Variants in MTA3 observed in about 807,000 individuals in gnomAD.
The protein encoded by MTA3 is metastasis-associated protein MTA3.
MTA3 carries 34 observed loss-of-function variants against 83.5 expected under a neutral mutation model. That is an observed-to-expected ratio of 0.41 (90% CI 0.31 to 0.54). The LOEUF (loss-of-function observed/expected upper bound fraction) is 0.54. MTA3 is among the 20% of genes least tolerant of loss of function. The pLI is 0.33. For missense variants in MTA3, 761 were observed against 726.4 expected (o/e 1.05, Z -0.55); for synonymous variants, 303 against 252.7 (o/e 1.20, Z -1.89).
chr2:42,626,755 T>G (rs770017240), intron 4 of MTA3, among the ~76,000 whole-genome samples: 1 of 152,196 alleles, frequency 6.6e-6, no homozygotes, highest in African/African-American at 2.4e-5. Context: ...ATTTAATTTT[T>G]TTTTAGACAG....
chr2:42,614,930 T>A (rs1301663396), intron 4 of MTA3, among the ~76,000 whole-genome samples: 1 of 151,434 alleles, frequency 6.6e-6, no homozygotes, highest in Non-Finnish European at 1.5e-5. Flanking sequence ...TGAGCCATGA[T>A]TGTGACACTG....
At chr2:42,653,472 T>G (rs1019472557) in intron 6 of MTA3, among the ~76,000 whole-genome samples, 5 of 152,202 alleles carry the variant, frequency 3.3e-5, no homozygotes, top group Admixed American at 6.5e-5. Flanking sequence ...TTTTTAAAAG[T>G]TTTTTCCATG....
At chr2:42,577,849 C>T (rs538608873) in intron 2 of MTA3, among the ~76,000 whole-genome samples, 1 of 152,104 alleles carries the variant, frequency 6.6e-6, no homozygotes, top group South Asian at 2.1e-4. Flanking sequence ...CAAGGCATAT[C>T]TCAAGAAGAC....
upstream of MTA3, among the ~76,000 whole-genome samples, chr2:42,563,642 A>G (rs948440588): frequency 5.3e-5 from 8 of 151,316 alleles, no homozygotes; most frequent in Admixed American, 3.3e-4. Context: ...AATGTTTTGT[A>G]TTTTTAGTGG....
At chr2:42,580,811 G>T (rs1204576467) in intron 3 of MTA3, among the ~76,000 whole-genome samples, 1 of 152,136 alleles carries the variant, frequency 6.6e-6, no homozygotes, top group African/African-American at 2.4e-5. Flanking sequence ...GGCCAGGCTG[G>T]TGTTGAACTC....
chr2:42,667,063 A>G (rs1206621434), intron 8 of MTA3, among the ~76,000 whole-genome samples: 2 of 152,176 alleles, frequency 1.3e-5, no homozygotes, highest in Non-Finnish European at 2.9e-5. Context: ...CATACCATGC[A>G]TGCTGCCACA....
At chr2:42,660,388 G>C (rs1689576720) in intron 8 of MTA3, among the ~76,000 whole-genome samples, 1 of 152,152 alleles carries the variant, frequency 6.6e-6, no homozygotes, top group Admixed American at 6.5e-5. Context: ...CACCCGGCCA[G>C]AGGGGCTATT....
At chr2:42,673,711 A>G (rs1691057626) in intron 8 of MTA3, among the ~76,000 whole-genome samples, 1 of 152,230 alleles carries the variant, frequency 6.6e-6, no homozygotes, top group Non-Finnish European at 1.5e-5. Context: ...TGAAGGCCTC[A>G]GCTGACTCCA....
Position 42,539,577 on chromosome 2 carries a change from C to CTTTT in MTA3, c.-140-30841_-140-30838dup, listed in dbSNP as rs34577240. Among the ~76,000 whole-genome samples, 75 of 96,644 alleles carry CTTTT rather than the reference C, an allele frequency of 7.8e-4. 4 individuals carry two copies. The highest frequency in any genetic ancestry group is 1.3e-3 in the Non-Finnish European group (65 of 50,428). 63.4% of individuals were successfully genotyped at this position (96,644 alleles called of 152,430 possible). ...AGCAAAACCATTATCAATTGTAAAGCTTTTTTTTTTTTTTTTTTTTTTGAG... is the reference window on the plus strand; with the variant it reads ...AGCAAAACCATTATCAATTGTAAAGCTTTTTTTTTTTTTTTTTTTTTTTTTTGAG... On this transcript the variant is annotated intron_variant, in intron 2 of 17. Coordinates refer to the MTA3 transcript ENST00000405592.
Position 42,636,076 on chromosome 2 carries a change from GT to G in MTA3, c.318-4091del, listed in dbSNP as rs1201306306. On this transcript the variant is annotated intron_variant, in intron 4 of 16. Coordinates refer to ENST00000405094, the MANE Select transcript of MTA3 (RefSeq NM_001330442.2). The stretch of plus-strand genomic sequence containing the variant: ...GAGCCACGGCGCCGGGCCAGGAATG[GT>G]TTTTTAAGTTTAGTGAACTTAAAAA... Among the ~76,000 whole-genome samples, 4 of 152,168 alleles carry G rather than the reference GT, an allele frequency of 2.6e-5. No individual in the cohort carries two copies. In the East Asian group the frequency reaches 5.8e-4, roughly 22 times the overall value.
At chr2:42,653,030 C>T (rs1325930842) in intron 6 of MTA3, among the ~76,000 whole-genome samples, 1 of 152,104 alleles carries the variant, frequency 6.6e-6, no homozygotes, top group Non-Finnish European at 1.5e-5. Context: ...ACACTGTGCT[C>T]AAAATTCTTA....
At chr2:42,508,050 A>T (rs1352661479) in intron 2 of MTA3, among the ~76,000 whole-genome samples, 1 of 151,920 alleles carries the variant, frequency 6.6e-6, no homozygotes, top group African/African-American at 2.4e-5. Flanking sequence ...TGGTTTCTGC[A>T]TCCCCATCTT....
intron 4 of MTA3, among the ~76,000 whole-genome samples, chr2:42,612,338 C>T (rs1684329475): frequency 6.6e-6 from 1 of 152,056 alleles, no homozygotes; most frequent in African/African-American, 2.4e-5. Context: ...CCTCAGCCTC[C>T]CGAGTAGCTG....
chr2:42,632,086 G>T (rs935300772), intron 4 of MTA3, among the ~76,000 whole-genome samples: 1 of 126,356 alleles, frequency 7.9e-6, no homozygotes, highest in South Asian at 2.8e-4. Context: ...CTTCCCAGCT[G>T]CTGGGTTTTT....
At chr2:42,503,043 T>A (rs1674471727) in intron 2 of MTA3, among the ~76,000 whole-genome samples, 1 of 151,936 alleles carries the variant, frequency 6.6e-6, no homozygotes, top group Non-Finnish European at 1.5e-5. Flanking sequence ...TTATTGGATC[T>A]CACACAAGAA....
At chr2:42,685,605 A>G (rs1203616606) in intron 9 of MTA3, among the ~76,000 whole-genome samples, 2 of 152,158 alleles carry the variant, frequency 1.3e-5, no homozygotes, top group African/African-American at 4.8e-5. Context: ...TATACCCAGA[A>G]TCTTAGATGC....
chr2:42,749,611 G>T (rs1050743223), intron 16 of MTA3, among the ~76,000 whole-genome samples: 2 of 151,484 alleles, frequency 1.3e-5, no homozygotes, highest in African/African-American at 4.9e-5. Context: ...GGAATTTCGG[G>T]TGGCCACCAC....
intron 16 of MTA3, among the ~76,000 whole-genome samples, chr2:42,747,944 C>T (rs967540986): frequency 1.3e-5 from 2 of 152,076 alleles, no homozygotes; most frequent in African/African-American, 4.8e-5. Flanking sequence ...ATCCTCCCAC[C>T]TGCCCTCCCC....
intron 2 of MTA3, among the ~76,000 whole-genome samples, chr2:42,537,993 GT>G (rs1165454986): frequency 1.3e-5 from 2 of 152,120 alleles, no homozygotes; most frequent in African/African-American, 4.8e-5. Context: ...AGCACTTTGG[GT>G]GGCCGAGGCA....
Sources: allele counts gnomAD v4.1 joint callset (sites outside exome capture counted in the v4.1 genomes callset), GRCh38; gene constraint gnomAD v4.1.1; transcripts MANE v1.5; gene names NCBI Gene and HGNC (gene_info 2026-07-23, HGNC 2026-07-21).